Variants in PAWR observed in about 807,000 individuals in gnomAD.
PAWR encodes PRKC apoptosis WT1 regulator protein.
PAWR carries 23 observed loss-of-function variants against 32.0 expected under a neutral mutation model. The observed-to-expected ratio is 0.72, with a 90% confidence interval of 0.52 to 1.02. PAWR has a LOEUF of 1.02. PAWR is among the 50% of genes least tolerant of loss of function. The pLI is 0.00. For synonymous variants in PAWR, 226 were observed against 187.1 expected, an observed-to-expected ratio of 1.21 and a Z score of -1.70; for missense variants, 457 against 437.7, an observed-to-expected ratio of 1.04 and a Z score of -0.39.
intron 2 of PAWR, among the ~76,000 whole-genome samples, chr12:79,672,705 T>G (rs1158790700): frequency 2.0e-5 from 3 of 151,922 alleles, no homozygotes; most frequent in Non-Finnish European, 2.9e-5. Flanking sequence ...ATCAGTTTTA[T>G]TAACTTGAAT....
At chr12:79,653,746 T>TGGGATTACA (rs1281071822) in intron 2 of PAWR, among the ~76,000 whole-genome samples, 1 of 152,264 alleles carries the variant, frequency 6.6e-6, no homozygotes, top group African/African-American at 2.4e-5. Context: ...CCCAAAGTAC[T>TGGGATTACA]GGGATTACAG....
chr12:79,665,022 A>C (rs1387520904), intron 2 of PAWR, among the ~76,000 whole-genome samples: 2 of 152,156 alleles, frequency 1.3e-5, no homozygotes, highest in Non-Finnish European at 2.9e-5. Flanking sequence ...GTTATATTTT[A>C]AGGTTCAACT....
chr12:79,688,699 C>T (rs935337898), intron 2 of PAWR, among the ~76,000 whole-genome samples: 2 of 152,080 alleles, frequency 1.3e-5, no homozygotes, highest in African/African-American at 4.8e-5. Flanking sequence ...ATTTAATATA[C>T]ACCCTAACTT....
chr12:79,651,561 C>T (rs985990961), intron 2 of PAWR, among the ~76,000 whole-genome samples: 2 of 152,020 alleles, frequency 1.3e-5, no homozygotes, highest in Admixed American at 1.3e-4. Flanking sequence ...GTCTGGGCCA[C>T]AAAAGACTCA....
intron 4 of PAWR, among the ~76,000 whole-genome samples, chr12:79,600,271 A>G (rs1316392224): frequency 6.6e-6 from 1 of 152,160 alleles, no homozygotes; most frequent in Non-Finnish European, 1.5e-5. Flanking sequence ...AGTCCAGTAA[A>G]GTTTGTTTTG....
intron 2 of PAWR, among the ~76,000 whole-genome samples, chr12:79,667,405 T>C: frequency 6.6e-6 from 1 of 152,224 alleles, no homozygotes; most frequent in Middle Eastern, 3.4e-3. Flanking sequence ...TTTACCAAAT[T>C]ATAGGAAATA....
intron 2 of PAWR, among the ~76,000 whole-genome samples, chr12:79,660,768 G>C (rs1459140697): frequency 6.6e-6 from 1 of 151,688 alleles, no homozygotes; most frequent in African/African-American, 2.4e-5. Flanking sequence ...AATTTTACTA[G>C]AGACGGGGTT....
In PAWR at chr12:79,596,922, A is replaced by G. The variant is rs1873783164; in HGVS notation, c.684-264T>C. ...GGATACTGAAGACGTAACAGCAAAC[A>G]CAAACATGGACTCTGCCCTTCATAG... is the stretch of plus-strand genomic sequence containing the variant. On this transcript the variant is annotated intron_variant, in intron 4 of 6. Transcript: ENST00000328827. 1.1e-5 allele frequency: 4 copies of G among 354,960 alleles called. 1 individual carries two copies. The highest frequency in any genetic ancestry group is 2.0e-5 in the Non-Finnish European group (4 of 201,236). 22.0% of individuals were successfully genotyped at this position (354,960 alleles called of 1,614,324 possible). A position where few individuals can be genotyped will look rare whatever the true frequency, so the allele number is the denominator to read the frequency against.
chr12:79,632,326 T>TAC (rs1566010924), intron 2 of PAWR, among the ~76,000 whole-genome samples: 1,794 of 33,240 alleles, frequency 0.054, 136 homozygotes, highest in African/African-American at 0.11. Flanking sequence ...TATATATATA[T>TAC]ATATATATAT....
chr12:79,685,745 C>T (rs1370662273), intron 2 of PAWR, among the ~76,000 whole-genome samples: 1 of 152,112 alleles, frequency 6.6e-6, no homozygotes, highest in Non-Finnish European at 1.5e-5. Context: ...CAATTCCATA[C>T]CTTTACTGTT....
chr12:79,650,223 A>G (rs1876774159), intron 2 of PAWR, among the ~76,000 whole-genome samples: 1 of 152,236 alleles, frequency 6.6e-6, no homozygotes, highest in Non-Finnish European at 1.5e-5. Flanking sequence ...GCTACTTCAC[A>G]ATTAAAGTAT....
intron 4 of PAWR, among the ~76,000 whole-genome samples, chr12:79,606,989 A>C (rs923076512): frequency 2.0e-5 from 3 of 152,190 alleles, no homozygotes; most frequent in African/African-American, 4.8e-5. Context: ...CCAGTCCACA[A>C]AATGTACAAG....
chr12:79,662,201 CAAAAAAAAAAAA>C (rs57565065), intron 2 of PAWR, among the ~76,000 whole-genome samples: 1 of 45,712 alleles, frequency 2.2e-5, no homozygotes, highest in Non-Finnish European at 5.0e-5. Flanking sequence ...AGACATCTCT[CAAAAAAAAAAAA>C]AAAAAAAAAA....
intron 2 of PAWR, among the ~76,000 whole-genome samples, chr12:79,662,201 C>CAA (rs57565065): frequency 0.077 from 3,360 of 43,756 alleles, 408 homozygotes; most frequent in African/African-American, 0.19. Context: ...AGACATCTCT[C>CAA]AAAAAAAAAA....
intron 2 of PAWR, among the ~76,000 whole-genome samples, chr12:79,667,254 T>C (rs1877653827): frequency 6.6e-6 from 1 of 152,208 alleles, no homozygotes; most frequent in Non-Finnish European, 1.5e-5. Flanking sequence ...AATTTACCAG[T>C]GATTGCTGAC....
intron 2 of PAWR, among the ~76,000 whole-genome samples, chr12:79,639,881 T>TATTCCTATTCCTATTCCATTCCATTCC: frequency 7.1e-5 from 8 of 112,490 alleles, no homozygotes; most frequent in African/African-American, 4.1e-4. Context: ...TTCCTATTCC[T>TATTCCTATTCCTATTCCATTCCATTCC]ATTCCATTCC....
chr12:79,690,056 G>T lies in PAWR; in HGVS notation c.189C>A (p.Ala63=). 20 of 1,361,438 alleles carry T rather than the reference G, an allele frequency of 1.5e-5. No individual in the cohort carries two copies. Among genetic ancestry groups the T allele is most frequent in the Non-Finnish European group, 1.9e-5 (20 of 1,066,756 alleles). 84.3% of individuals were successfully genotyped at this position (1,361,438 alleles called of 1,614,324 possible). A position where few individuals can be genotyped will look rare whatever the true frequency, so the allele number is the denominator to read the frequency against. The part of the protein sequence containing the change: ...PPAGALGTPA[A]AAANELNNNL... ...TGTTGTTGAGCTCGTTGGCAGCGGC[G>T]GCCGCCGGGGTGCCCAGAGCCCCCG... Residue 63 remains alanine (A), a synonymous_variant, in exon 2 of 7, where the codon GCC becomes GCA. Coordinates refer to ENST00000328827, the MANE Select transcript of PAWR (RefSeq NM_002583.4).
chr12:79,610,898 A>C (rs985199642), intron 4 of PAWR, among the ~76,000 whole-genome samples: 1 of 151,632 alleles, frequency 6.6e-6, no homozygotes, highest in African/African-American at 2.4e-5. Flanking sequence ...CCCTACAGTT[A>C]AACACATTTT....
chr12:79,657,299 T>C (rs962832665), intron 2 of PAWR, among the ~76,000 whole-genome samples: 2 of 151,842 alleles, frequency 1.3e-5, no homozygotes, highest in Non-Finnish European at 2.9e-5. Flanking sequence ...GGTAAACTCG[T>C]GGGGGTGATG....
Sources: allele counts gnomAD v4.1 joint callset (sites outside exome capture counted in the v4.1 genomes callset), GRCh38; gene constraint gnomAD v4.1.1; transcripts MANE v1.5; gene names NCBI Gene and HGNC (gene_info 2026-07-23, HGNC 2026-07-21).